The following THRB variants were observed in gnomAD, a reference collection of about 807,000 sequenced individuals.
THRB encodes the protein thyroid hormone receptor beta, also known as nuclear receptor subfamily 1 group A member 2.
A neutral mutation model predicts 47.8 loss-of-function variants in THRB; 12 were observed. That is an observed-to-expected ratio of 0.25 (90% CI 0.16 to 0.41). The LOEUF is 0.41. Among genes scored for constraint, THRB ranks in the 10% least tolerant of loss-of-function variants. The pLI, the probability that THRB is intolerant of heterozygous loss-of-function variation, is 1.00. For synonymous variants in THRB, 218 were observed against 212.2 expected, an observed-to-expected ratio of 1.03 and a Z score of -0.24; for missense variants, 348 against 589.2, an observed-to-expected ratio of 0.59 and a Z score of 4.24.
At chr3:24,437,360 T>C (rs2071076466) in intron 1 of THRB, among the ~76,000 whole-genome samples, 1 of 151,754 alleles carries the variant, frequency 6.6e-6, no homozygotes, top group African/African-American at 2.4e-5. Context: ...AGACAGCAGA[T>C]TGGTGGTTCC....
chr3:24,486,020 G>C (rs191477417), intron 1 of THRB, among the ~76,000 whole-genome samples: 1 of 151,950 alleles, frequency 6.6e-6, no homozygotes, highest in South Asian at 2.1e-4. Flanking sequence ...CCCACTCCAC[G>C]GCCCCAGTTC....
intron 1 of THRB, among the ~76,000 whole-genome samples, chr3:24,462,079 A>T (rs1049979165): frequency 6.6e-6 from 1 of 152,228 alleles, no homozygotes; most frequent in Non-Finnish European, 1.5e-5. Context: ...ACGGTGGGTG[A>T]CAAGACAATA....
chr3:24,466,028 G>A (rs2074126619), intron 1 of THRB, among the ~76,000 whole-genome samples: 2 of 152,046 alleles, frequency 1.3e-5, no homozygotes, highest in South Asian at 4.1e-4. Context: ...TAGCATGACT[G>A]TATTATGTGA....
At chr3:24,285,042 G>A (rs1320810976) in intron 3 of THRB, among the ~76,000 whole-genome samples, 1 of 151,978 alleles carries the variant, frequency 6.6e-6, no homozygotes, top group Non-Finnish European at 1.5e-5. Context: ...CAGGGATCTA[G>A]AACTAGACAT....
At chr3:24,419,679 T>A (rs1471374933) in intron 1 of THRB, among the ~76,000 whole-genome samples, 1 of 151,976 alleles carries the variant, frequency 6.6e-6, no homozygotes, top group African/African-American at 2.4e-5. Flanking sequence ...TAACATTGCA[T>A]AGTCCTTTGT....
intron 1 of THRB, among the ~76,000 whole-genome samples, chr3:24,375,460 TATA>T (rs1313883663): frequency 2.8e-5 from 4 of 145,092 alleles, no homozygotes; most frequent in Admixed American, 6.9e-5. Context: ...TAGTTAGACA[TATA>T]ATATTAATAT....
At chr3:24,442,508 G>T (rs1321199561) in intron 1 of THRB, among the ~76,000 whole-genome samples, 2 of 152,160 alleles carry the variant, frequency 1.3e-5, no homozygotes, top group African/African-American at 2.4e-5. Context: ...TACTTTTGAG[G>T]TGGCAGGGTC....
chr3:24,283,958 A>C (rs1305258929), intron 3 of THRB, among the ~76,000 whole-genome samples: 2 of 135,112 alleles, frequency 1.5e-5, no homozygotes, highest in Admixed American at 7.4e-5. Flanking sequence ...AGAACATTCC[A>C]TGCTCATGGG....
At chr3:24,230,005 C>T (rs1276414007) in intron 3 of THRB, among the ~76,000 whole-genome samples, 1 of 152,134 alleles carries the variant, frequency 6.6e-6, no homozygotes, top group Non-Finnish European at 1.5e-5. Flanking sequence ...GCTGGTATTT[C>T]TGAGGTTTGA....
chr3:24,147,749 G>A (rs552139100), intron 6 of THRB, among the ~76,000 whole-genome samples: 30 of 152,328 alleles, frequency 2.0e-4, no homozygotes, highest in African/African-American at 7.2e-4. Context: ...AAGTGCTGTA[G>A]AAACATTCAA....
chr3:24,349,245 A>T (rs1391356845), intron 1 of THRB, among the ~76,000 whole-genome samples: 2 of 152,156 alleles, frequency 1.3e-5, no homozygotes, highest in Non-Finnish European at 2.9e-5. Flanking sequence ...GGGCGCCTCA[A>T]TATTGTAAAA....
intron 3 of THRB, among the ~76,000 whole-genome samples, chr3:24,266,737 T>C (rs1235909847): frequency 1.3e-5 from 2 of 152,094 alleles, no homozygotes; most frequent in East Asian, 3.9e-4. Flanking sequence ...GTGAGGAAGA[T>C]GAAGGATTTT....
At chr3:24,317,398 T>C (rs1299808211) in intron 2 of THRB, among the ~76,000 whole-genome samples, 1 of 152,188 alleles carries the variant, frequency 6.6e-6, no homozygotes, top group Non-Finnish European at 1.5e-5. Flanking sequence ...CTGCCTCTGT[T>C]GTGCTCACGG....
At chr3:24,385,677 CA>C (rs1380311780) in intron 1 of THRB, among the ~76,000 whole-genome samples, 1 of 152,076 alleles carries the variant, frequency 6.6e-6, no homozygotes, top group African/African-American at 2.4e-5. Flanking sequence ...GATGGCTTAA[CA>C]AATAAAAGCA....
intron 1 of THRB, among the ~76,000 whole-genome samples, chr3:24,369,011 A>C (rs1159282524): frequency 6.6e-6 from 1 of 152,142 alleles, no homozygotes; most frequent in Non-Finnish European, 1.5e-5. Context: ...CTTTCAACTC[A>C]CTGTAATTCT....
intron 2 of THRB, among the ~76,000 whole-genome samples, chr3:24,317,585 T>A (rs1156506774): frequency 1.3e-5 from 2 of 152,056 alleles, no homozygotes; most frequent in Non-Finnish European, 2.9e-5. Flanking sequence ...GCCATTGCAC[T>A]GGCTAGGGTG....
At chr3:24,452,211 A>G (rs1466926850) in intron 1 of THRB, among the ~76,000 whole-genome samples, 1 of 152,184 alleles carries the variant, frequency 6.6e-6, no homozygotes, top group Admixed American at 6.5e-5. Context: ...AAACATTAAT[A>G]TTTATTTTAC....
intron 2 of THRB, among the ~76,000 whole-genome samples, chr3:24,311,509 A>T (rs2057758130): frequency 1.3e-5 from 2 of 152,154 alleles, no homozygotes; most frequent in Admixed American, 1.3e-4. Flanking sequence ...GATTAGAAAA[A>T]AGAAAGGCAT....
chr3:24,331,852 A>G (rs764035668), intron 2 of THRB, among the ~76,000 whole-genome samples: 1 of 152,160 alleles, frequency 6.6e-6, no homozygotes, highest in Non-Finnish European at 1.5e-5. Context: ...CACAAACTAC[A>G]GTACTCAAAA....
Sources: allele counts gnomAD v4.1 joint callset (sites outside exome capture counted in the v4.1 genomes callset), GRCh38; gene constraint gnomAD v4.1.1; transcripts MANE v1.5; gene names NCBI Gene and HGNC (gene_info 2026-07-23, HGNC 2026-07-21).